JAK2: variants seen among roughly 807,000 people sequenced by gnomAD.
The protein encoded by JAK2 is Janus kinase 2.
In JAK2, 86 loss-of-function variants were observed where a neutral mutation model predicts 139.3. That is an observed-to-expected ratio of 0.62 (90% CI 0.52 to 0.74). The LOEUF (loss-of-function observed/expected upper bound fraction) is 0.74, where lower values mean the gene tolerates loss of function less well. JAK2 is among the 30% of genes least tolerant of loss of function. JAK2 has a pLI of 0.00. For missense variants in JAK2, 1,421 were observed against 1,360.3 expected (o/e 1.04, Z -0.70); for synonymous variants, 490 against 437.7 (o/e 1.12, Z -1.49).
intron 4 of JAK2, among the ~76,000 whole-genome samples, chr9:5,032,031 G>A (rs1020021768): frequency 6.6e-6 from 1 of 152,176 alleles, no homozygotes; most frequent in Non-Finnish European, 1.5e-5. Flanking sequence ...GGTGACAGAC[G>A]GCACCTGGAA....
chr9:5,007,984 C>T (rs1821428918), intron 2 of JAK2, among the ~76,000 whole-genome samples: 1 of 152,166 alleles, frequency 6.6e-6, no homozygotes, highest in Admixed American at 6.5e-5. Context: ...CCGCCTCGGC[C>T]TCCCAAAGTG....
intron 2 of JAK2, among the ~76,000 whole-genome samples, chr9:5,011,413 C>T (rs1821692307): frequency 6.6e-6 from 1 of 152,036 alleles, no homozygotes; most frequent in African/African-American, 2.4e-5. Flanking sequence ...TAGTCTTGAA[C>T]TCCTGGACTC....
intron 4 of JAK2, among the ~76,000 whole-genome samples, chr9:5,037,765 G>GC (rs1237988889): frequency 6.6e-6 from 1 of 152,114 alleles, no homozygotes; most frequent in East Asian, 1.9e-4. Context: ...TAAATGACGA[G>GC]TTACTGGGTG....
At chr9:5,055,311 G>A (rs553869217) in intron 7 of JAK2, among the ~76,000 whole-genome samples, 17 of 152,032 alleles carry the variant, frequency 1.1e-4, no homozygotes, top group Non-Finnish European at 1.6e-4. Flanking sequence ...GTTAATATCC[G>A]TGTTGTTCAT....
chr9:5,115,027 A>C (rs1225439433), intron 22 of JAK2, among the ~76,000 whole-genome samples: 1 of 152,194 alleles, frequency 6.6e-6, no homozygotes, highest in Non-Finnish European at 1.5e-5. Context: ...TTCATGACTA[A>C]AACACCAAAA....
intron 22 of JAK2, chr9:5,100,200 A>G (rs1474251805): frequency 6.6e-6 from 1 of 152,170 alleles, no homozygotes; most frequent in Admixed American, 6.5e-5. Flanking sequence ...ATGTCTTCAC[A>G]CTACTAGTAA....
intron 18 of JAK2, 103 bp downstream of exon 18, chr9:5,080,786 C>A: frequency 2.5e-6 from 2 of 813,550 alleles, no homozygotes; most frequent in Non-Finnish European, 3.6e-6. Flanking sequence ...TTCTTGATGT[C>A]ATTTGGGCCC....
At chr9:5,083,027 A>C (rs1819822174) in intron 19 of JAK2, among the ~76,000 whole-genome samples, 1 of 152,222 alleles carries the variant, frequency 6.6e-6, no homozygotes, top group African/African-American at 2.4e-5. Flanking sequence ...AGGCTTTAAC[A>C]TGTAATGTGC....
chr9:5,049,208 C>G (rs866301837), intron 5 of JAK2, among the ~76,000 whole-genome samples: 2 of 152,200 alleles, frequency 1.3e-5, no homozygotes, highest in Non-Finnish European at 2.9e-5. Flanking sequence ...TTATTTTCTT[C>G]AAGCACTTCT....
chr9:5,003,628 T>G (rs1196761693), intron 2 of JAK2, among the ~76,000 whole-genome samples: 1 of 152,116 alleles, frequency 6.6e-6, no homozygotes, highest in Non-Finnish European at 1.5e-5. Flanking sequence ...ATTTCCTACA[T>G]ATACAGACAT....
At position 5,129,094 on chromosome 9, in the gene JAK2, T is replaced by G. The variant is rs147502644; in HGVS notation, c.*2303T>G. Among the ~76,000 whole-genome samples the G allele has an allele frequency of 6.6e-6, 1 of 152,178 alleles. No homozygotes were observed. Among genetic ancestry groups the G allele is most frequent in the East Asian group, 1.9e-4 (1 of 5,194 alleles). ...TTCTAGTTTACAGTCAAGTGTAATTTTCATCACAACTATAACTTCTGGTAT... is the reference window on the plus strand; with the variant it reads ...TTCTAGTTTACAGTCAAGTGTAATTGTCATCACAACTATAACTTCTGGTAT... On this transcript the variant is annotated 3_prime_UTR_variant, in exon 25 of 25. Transcript: ENST00000381652.
At chr9:5,006,472 T>G (rs546018332) in intron 2 of JAK2, among the ~76,000 whole-genome samples, 112 of 152,296 alleles carry the variant, frequency 7.4e-4, no homozygotes, top group African/African-American at 2.6e-3. Flanking sequence ...CTCATATTGC[T>G]ATAAAGAGCT....
At chr9:5,092,090 G>T (rs990084634) in intron 22 of JAK2, among the ~76,000 whole-genome samples, 1 of 152,110 alleles carries the variant, frequency 6.6e-6, no homozygotes, top group African/African-American at 2.4e-5. Flanking sequence ...AGCACCTAAG[G>T]TTATAAAGTA....
chr9:5,059,452 A>C (rs1336393050), intron 8 of JAK2, among the ~76,000 whole-genome samples: 1 of 152,046 alleles, frequency 6.6e-6, no homozygotes, highest in Admixed American at 6.6e-5. Context: ...TCAAATTTTA[A>C]ATGTATTCTG....
intron 16 of JAK2, 123 bp downstream of exon 16, chr9:5,078,567 T>C (rs529801493): frequency 2.7e-6 from 2 of 743,322 alleles, no homozygotes; most frequent in African/African-American, 3.5e-5. Context: ...ATAATAAAAT[T>C]ATCACTTTTA....
At chr9:5,019,823 G>A (rs940003264) in intron 2 of JAK2, among the ~76,000 whole-genome samples, 2 of 152,202 alleles carry the variant, frequency 1.3e-5, no homozygotes, top group Non-Finnish European at 2.9e-5. Context: ...AGTGGTGTCT[G>A]TGATTTCCTC....
intron 4 of JAK2, among the ~76,000 whole-genome samples, chr9:5,032,004 T>A (rs1823188986): frequency 6.6e-6 from 1 of 152,224 alleles, no homozygotes; most frequent in Non-Finnish European, 1.5e-5. Context: ...GAATTCCCTT[T>A]CCTAGTCAAA....
Position 5,035,724 on chromosome 9 carries a change from C to T in JAK2, c.350+5818C>T, listed in dbSNP as rs530879157. Reference sequence around the variant, plus strand: ...CTCAATAAATTAGGTATTGATGGGACGTGTCTCAAAATAATAAGAGCTATC... The same window carrying T: ...CTCAATAAATTAGGTATTGATGGGATGTGTCTCAAAATAATAAGAGCTATC... On this transcript the variant is annotated intron_variant, in intron 4 of 24. Transcript: ENST00000381652. 7.2e-5 allele frequency among the ~76,000 whole-genome samples: 11 copies of T among 152,212 alleles called. No homozygotes were observed. In the South Asian group the frequency reaches 1.2e-3, roughly 17 times the overall value.
At chr9:5,035,956 T>C (rs1468246912) in intron 4 of JAK2, among the ~76,000 whole-genome samples, 1 of 152,212 alleles carries the variant, frequency 6.6e-6, no homozygotes, top group Non-Finnish European at 1.5e-5. Flanking sequence ...TGTTTGCAGA[T>C]GACATGATTG....
Sources: gnomAD v4.1 joint callset for allele counts (sites outside exome capture counted in the v4.1 genomes callset) on GRCh38, gnomAD v4.1.1 for gene constraint, MANE v1.5 for transcripts, NCBI Gene and HGNC (gene_info 2026-07-23, HGNC 2026-07-21) for gene names.